The following UXS1 variants were observed in gnomAD, a reference collection of about 807,000 sequenced individuals.
UXS1 encodes UDP-glucuronic acid decarboxylase 1.
Under a neutral mutation model 62.6 loss-of-function variants are expected in UXS1, and 33 were observed. The ratio of observed to expected loss-of-function variants is 0.53; its 90% CI spans 0.40 to 0.70. The LOEUF (loss-of-function observed/expected upper bound fraction) is 0.70, where lower values mean the gene tolerates loss of function less well. Ranked by LOEUF, UXS1 falls within the 30% of genes least tolerant of loss-of-function variation. The probability of loss-of-function intolerance (pLI) is 0.00; values close to 1 mark genes in which losing one functional copy is unlikely to be tolerated. For missense variants in UXS1, 434 were observed against 556.3 expected (o/e 0.78, Z 2.21); for synonymous variants, 213 against 206.8 (o/e 1.03, Z -0.26).
At chr2:106,099,015 G>A (rs1677365433) in intron 12 of UXS1, among the ~76,000 whole-genome samples, 1 of 152,214 alleles carries the variant, frequency 6.6e-6, no homozygotes, top group African/African-American at 2.4e-5. Flanking sequence ...GCTGGGCTTT[G>A]GATAGGTCAA....
intron 7 of UXS1, among the ~76,000 whole-genome samples, chr2:106,126,906 C>T (rs867759598): frequency 2.0e-5 from 3 of 152,138 alleles, no homozygotes; most frequent in African/African-American, 7.2e-5. Flanking sequence ...AGCCTCTCCT[C>T]GCTCCCTCCC....
intron 9 of UXS1, among the ~76,000 whole-genome samples, chr2:106,119,283 C>T (rs1311387861): frequency 3.3e-5 from 5 of 152,166 alleles, no homozygotes; most frequent in African/African-American, 9.7e-5. Context: ...GCTTCTTTAC[C>T]TGCTTCAGCC....
intron 6 of UXS1, chr2:106,138,552 C>A: frequency 1.0e-6 from 1 of 985,542 alleles, no homozygotes; most frequent in Non-Finnish European, 1.2e-6. Flanking sequence ...CTCCACGGTG[C>A]TCTGGCCCAG....
At chr2:106,114,389 G>C (rs946733768) in intron 9 of UXS1, among the ~76,000 whole-genome samples, 1 of 152,220 alleles carries the variant, frequency 6.6e-6, no homozygotes, top group African/African-American at 2.4e-5. Context: ...GAACTAATGA[G>C]TGTATTAAAA....
intron 1 of UXS1, among the ~76,000 whole-genome samples, chr2:106,182,410 A>G (rs540206403): frequency 6.6e-6 from 1 of 152,228 alleles, no homozygotes; most frequent in Admixed American, 6.5e-5. Context: ...GAGGTCTGGG[A>G]TTTTTCTCTT....
In UXS1 at chr2:106,177,393, GC is replaced by G. The variant is rs978074757; in HGVS notation, c.95-11311del. Reference sequence around the variant, plus strand: ...GTATTTTTAGTAGAGATGGGGTTTCGCCATGTTGGCCAGGCTGGTCTTGAAT... The same window carrying G: ...GTATTTTTAGTAGAGATGGGGTTTCGCATGTTGGCCAGGCTGGTCTTGAAT... On this transcript the variant is annotated intron_variant, in intron 1 of 14. Transcript: ENST00000283148. Among the ~76,000 whole-genome samples the G allele has an allele frequency of 8.6e-5, 13 of 151,912 alleles. No homozygotes were observed. The South Asian group carries it at 2.7e-3, about 32-fold the overall frequency.
chr2:106,150,838 G>A (rs546723261), intron 5 of UXS1, among the ~76,000 whole-genome samples: 1 of 152,356 alleles, frequency 6.6e-6, no homozygotes, highest in East Asian at 1.9e-4. Context: ...AGAGCAGCCA[G>A]GTGGACTGAG....
rs566595123 is a variant in UXS1, at chr2:106,158,061, A to C, written c.288T>G (p.Ile96Met). ...KFLSEKDRKR[I>M]LITGGAGFVG... Reference sequence around the variant, plus strand: ...CTATTCAGGTGTGCAAACTTACCAAAATTCTTTTCCGATCCTTTTCTGATA... The same window carrying C: ...CTATTCAGGTGTGCAAACTTACCAACATTCTTTTCCGATCCTTTTCTGATA... Residue 96 changes from isoleucine (I) to methionine (M), a missense_variant, in exon 5 of 15, where the codon ATT (isoleucine) becomes ATG (methionine). Physicochemically the swap from Ile to Met is conservative, Grantham distance 10. Around this residue, in one of 3 missense-constraint regions of UXS1, gnomAD observed 134 missense variants for 251.9 expected, o/e 0.53. Coordinates refer to ENST00000283148, the MANE Select transcript of UXS1 (RefSeq NM_001253875.2). The C allele has an allele frequency of 1.1e-5, 17 of 1,563,540 alleles. No homozygotes were observed. Among genetic ancestry groups the C allele is most frequent in the African/African-American group, 1.4e-5 (1 of 73,828 alleles).
intron 12 of UXS1, among the ~76,000 whole-genome samples, chr2:106,099,139 T>C (rs1255577224): frequency 2.0e-5 from 3 of 152,208 alleles, no homozygotes; most frequent in Non-Finnish European, 4.4e-5. Flanking sequence ...CTCCTAACAC[T>C]ATCTATTCCC....
rs1449033646 is a variant in UXS1 at position 106,164,850 on chromosome 2, GA to G, written c.123-52del. On this transcript the variant is annotated intron_variant, in intron 2 of 14. Transcript: ENST00000283148. ...GCTTTGTGACTTTAAGACTGTTTCT[GA>G]ATAAATTACCCTAACATAACCCAAC... 25 of 1,411,432 alleles carry G rather than the reference GA, an allele frequency of 1.8e-5. No individual in the cohort carries two copies. In the East Asian group the frequency reaches 5.6e-4, roughly 32 times the overall value. The allele number at this position is 1,411,432 out of a possible 1,614,324, so 87.4% of individuals were successfully genotyped here. A position where few individuals can be genotyped will look rare whatever the true frequency, so the allele number is the denominator to read the frequency against.
chr2:106,193,912 G>A (rs1298754995), intron 1 of UXS1, among the ~76,000 whole-genome samples: 2 of 151,912 alleles, frequency 1.3e-5, no homozygotes, highest in African/African-American at 2.4e-5. Context: ...GACTGCTAGG[G>A]GCCCCTCCGC....
At chr2:106,142,479 T>G (rs1438111043) in intron 6 of UXS1, among the ~76,000 whole-genome samples, 1 of 152,246 alleles carries the variant, frequency 6.6e-6, no homozygotes, top group Admixed American at 6.5e-5. Flanking sequence ...CCAGATATCT[T>G]TCTGTTACTA....
At chr2:106,155,837 G>C (rs555000801) in intron 5 of UXS1, among the ~76,000 whole-genome samples, 6 of 152,242 alleles carry the variant, frequency 3.9e-5, no homozygotes, top group African/African-American at 1.4e-4. Flanking sequence ...TCAACAAATT[G>C]TGCTGGACAA....
chr2:106,133,997 T>C (rs1431252768), intron 6 of UXS1, among the ~76,000 whole-genome samples: 3 of 128,726 alleles, frequency 2.3e-5, no homozygotes, highest in African/African-American at 5.7e-5. Flanking sequence ...ATCAACAAAA[T>C]TGATAGACCG....
chr2:106,101,953 T>C (rs1677634749), intron 11 of UXS1: 3 of 152,228 alleles, frequency 2.0e-5, no homozygotes, highest in African/African-American at 7.2e-5. Flanking sequence ...TTTAAAGCTC[T>C]GACCCTTCTC....
At chr2:106,129,953 T>C (rs900707462) in intron 6 of UXS1, among the ~76,000 whole-genome samples, 175 bp from the exon 7 acceptor site, 2 of 152,142 alleles carry the variant, frequency 1.3e-5, no homozygotes, top group African/African-American at 4.8e-5. Flanking sequence ...TAAACAAAAA[T>C]AGAAAGTCTA....
At chr2:106,172,877 A>T (rs1683652987) in intron 1 of UXS1, among the ~76,000 whole-genome samples, 2 of 152,098 alleles carry the variant, frequency 1.3e-5, no homozygotes, top group African/African-American at 4.8e-5. Context: ...TGCCTGCCTC[A>T]GGGCCTTTGC....
At chr2:106,169,878 G>A (rs367743352) in intron 1 of UXS1, among the ~76,000 whole-genome samples, 9 of 152,120 alleles carry the variant, frequency 5.9e-5, no homozygotes, top group African/African-American at 2.2e-4. Flanking sequence ...TGACGCCCAT[G>A]CTTCCCAGGA....
At chr2:106,151,474 C>G (rs1682012358) in intron 5 of UXS1, among the ~76,000 whole-genome samples, 1 of 152,126 alleles carries the variant, frequency 6.6e-6, no homozygotes, top group Non-Finnish European at 1.5e-5. Context: ...TGAGTTAGGT[C>G]CCCTTTGTCT....
Sources: gnomAD v4.1 joint callset for allele counts (sites outside exome capture counted in the v4.1 genomes callset) on GRCh38, gnomAD v4.1.1 for gene constraint, gnomAD v4.1.1 regional missense constraint, MANE v1.5 for transcripts, NCBI Gene and HGNC (gene_info 2026-07-23, HGNC 2026-07-21) for gene names.